SRBD1: variants seen among roughly 807,000 people sequenced by gnomAD.
SRBD1 encodes S1 RNA-binding domain-containing protein 1.
In SRBD1, 88 loss-of-function variants were observed where a neutral mutation model predicts 115.3. The ratio of observed to expected loss-of-function variants is 0.76; its 90% CI spans 0.64 to 0.91. The LOEUF is 0.91. Among genes scored for constraint, SRBD1 ranks in the 40% least tolerant of loss-of-function variants. The probability of loss-of-function intolerance (pLI) is 0.00; values close to 1 mark genes in which losing one functional copy is unlikely to be tolerated. For missense variants in SRBD1, 1,385 were observed against 1,177.4 expected, an observed-to-expected ratio of 1.18 and a Z score of -2.58; for synonymous variants, 509 against 407.7, an observed-to-expected ratio of 1.25 and a Z score of -2.99.
intron 16 of SRBD1, among the ~76,000 whole-genome samples, chr2:45,437,354 G>T (rs1668527878): frequency 1.8e-5 from 1 of 54,178 alleles, no homozygotes; most frequent in Admixed American, 1.9e-4. Flanking sequence ...TGCAGTATTG[G>T]TTTAAAAAAA....
chr2:45,520,801 TCCAGCTC>T (rs1671259737), intron 14 of SRBD1, among the ~76,000 whole-genome samples: 1 of 152,142 alleles, frequency 6.6e-6, no homozygotes, highest in Admixed American at 6.5e-5. Context: ...TATCCCCTTG[TCCAGCTC>T]CCATCCATCT....
At chr2:45,574,994 C>T (rs1025788789) in intron 7 of SRBD1, among the ~76,000 whole-genome samples, 3 of 152,148 alleles carry the variant, frequency 2.0e-5, no homozygotes, top group African/African-American at 7.2e-5. Context: ...CTGGTTCTAC[C>T]ATTTGCCAGT....
chr2:45,429,025 G>T (rs892631141), intron 16 of SRBD1, among the ~76,000 whole-genome samples: 1 of 152,084 alleles, frequency 6.6e-6, no homozygotes, highest in African/African-American at 2.4e-5. Flanking sequence ...ACACCTTTAC[G>T]CAAATAAACT....
At chr2:45,455,763 A>C (rs1047222049) in intron 16 of SRBD1, among the ~76,000 whole-genome samples, 41 of 151,874 alleles carry the variant, frequency 2.7e-4, no homozygotes, top group African/African-American at 9.7e-4. Context: ...CCAAAAAATA[A>C]AAAATAAAAA....
intron 4 of SRBD1, among the ~76,000 whole-genome samples, chr2:45,595,268 C>T (rs192991933): frequency 6.6e-4 from 101 of 152,058 alleles, no homozygotes; most frequent in Non-Finnish European, 1.1e-3. Context: ...ACACCTTGAA[C>T]GGAAAAAAAC....
At chr2:45,457,240 T>C (rs1669182781) in intron 16 of SRBD1, among the ~76,000 whole-genome samples, 1 of 152,000 alleles carries the variant, frequency 6.6e-6, no homozygotes, top group Admixed American at 6.6e-5. Context: ...GAATAATTTT[T>C]GTCCACACAG....
chr2:45,533,421 C>T (rs1436321956), intron 14 of SRBD1, among the ~76,000 whole-genome samples: 5 of 151,984 alleles, frequency 3.3e-5, no homozygotes, highest in Non-Finnish European at 7.4e-5. Flanking sequence ...CCAAGAACAC[C>T]ATTAATAAGA....
intron 16 of SRBD1, among the ~76,000 whole-genome samples, chr2:45,454,629 T>C: frequency 6.6e-6 from 1 of 151,814 alleles, no homozygotes; most frequent in East Asian, 1.9e-4. Flanking sequence ...TTACTTACAC[T>C]CTGCTTGCAG....
At chr2:45,413,686 G>C (rs1667673791) in intron 18 of SRBD1, among the ~76,000 whole-genome samples, 1 of 152,132 alleles carries the variant, frequency 6.6e-6, no homozygotes, top group South Asian at 2.1e-4. Context: ...CCAACACTTT[G>C]GGAGGCCGAG....
intron 14 of SRBD1, among the ~76,000 whole-genome samples, chr2:45,525,623 T>C (rs897588781): frequency 6.6e-6 from 1 of 152,046 alleles, no homozygotes; most frequent in Non-Finnish European, 1.5e-5. Flanking sequence ...GTAATGCAGA[T>C]AGACGTTAAT....
intron 2 of SRBD1, among the ~76,000 whole-genome samples, chr2:45,604,398 A>AGGGGGGGGGGGGGGGGGG (rs1179478169): frequency 7.1e-6 from 1 of 140,200 alleles, no homozygotes; most frequent in African/African-American, 2.8e-5. Flanking sequence ...GGGTGGAGGA[A>AGGGGGGGGGGGGGGGGGG]GGGGAGGGCT....
At chr2:45,402,453 C>A (rs762279123) in intron 19 of SRBD1, among the ~76,000 whole-genome samples, 2 of 152,112 alleles carry the variant, frequency 1.3e-5, no homozygotes, top group African/African-American at 4.8e-5. Context: ...CAAAGGAAAT[C>A]CTATAGTACA....
chr2:45,500,009 AT>A (rs142785473), intron 14 of SRBD1, among the ~76,000 whole-genome samples: 4,044 of 151,644 alleles, frequency 0.027, 183 homozygotes, highest in African/African-American at 0.092. Context: ...AATTTTTAGT[AT>A]TTTTTTTCTA....
intron 16 of SRBD1, among the ~76,000 whole-genome samples, chr2:45,434,020 G>A (rs1558391219): frequency 6.6e-6 from 1 of 152,006 alleles, no homozygotes; most frequent in Non-Finnish European, 1.5e-5. Context: ...TCATAAGAGG[G>A]AAAAAAATAA....
At position 45,601,961 on chromosome 2, in the gene SRBD1, T is replaced by G; in HGVS notation, c.203A>C (p.Lys68Thr). 1.2e-6 allele frequency: 2 copies of G among 1,614,220 alleles called. No homozygotes were observed. The highest frequency in any genetic ancestry group is 1.7e-6 in the Non-Finnish European group (2 of 1,180,032). The change falls in exon 3 of 21, where the codon AAG becomes ACG. Residue 68 changes from lysine (K) to threonine (T), a missense_variant. Coordinates refer to ENST00000263736, the MANE Select transcript of SRBD1 (RefSeq NM_018079.5). ...ATCACTGATCTGTGGGGCATTCTTC[T>G]TCACCCGAGGCATCCTCTTTGGTTT... Reference protein sequence around the residue: ...ESKPKRMPRVKKNAPQISDGS... With the variant: ...ESKPKRMPRVTKNAPQISDGS...
intron 16 of SRBD1, among the ~76,000 whole-genome samples, chr2:45,473,120 T>A (rs374583269): frequency 2.0e-5 from 3 of 152,042 alleles, no homozygotes; most frequent in African/African-American, 7.2e-5. Context: ...TTCCTATACT[T>A]TCTTATTTTC....
intron 14 of SRBD1, among the ~76,000 whole-genome samples, chr2:45,509,598 AACACAC>A (rs1179307941): frequency 0.012 from 1,532 of 125,506 alleles, 36 homozygotes; most frequent in African/African-American, 0.039. Context: ...TCCGTCTCAA[AACACAC>A]ACACACACAC....
chr2:45,608,432 C>G (rs1278700992), intron 1 of SRBD1, among the ~76,000 whole-genome samples: 1 of 152,174 alleles, frequency 6.6e-6, no homozygotes, highest in Non-Finnish European at 1.5e-5. Context: ...ACGACAGGTA[C>G]ACCCCCAGGA....
intron 19 of SRBD1, among the ~76,000 whole-genome samples, chr2:45,403,621 A>AT (rs1430407790): frequency 6.6e-6 from 1 of 152,110 alleles, no homozygotes; most frequent in African/African-American, 2.4e-5. Context: ...TCTGGTGCCA[A>AT]ATTTTCAGAT....
Sources: gnomAD v4.1 joint callset for allele counts (sites outside exome capture counted in the v4.1 genomes callset) on GRCh38, gnomAD v4.1.1 for gene constraint, MANE v1.5 for transcripts, NCBI Gene and HGNC (gene_info 2026-07-23, HGNC 2026-07-21) for gene names.